Variants in PSMC6 observed in about 807,000 individuals in gnomAD.
PSMC6 encodes 26S proteasome regulatory subunit 10B.
PSMC6 carries 3 observed loss-of-function variants against 55.9 expected under a neutral mutation model. The observed-to-expected ratio is 0.05, with a 90% confidence interval of 0.02 to 0.14. The LOEUF (loss-of-function observed/expected upper bound fraction) is 0.14. PSMC6 is among the 10% of genes least tolerant of loss of function. The probability of loss-of-function intolerance (pLI) is 1.00; values close to 1 mark genes in which losing one functional copy is unlikely to be tolerated. For missense variants in PSMC6, 210 were observed against 478.7 expected, an observed-to-expected ratio of 0.44 and a Z score of 5.24; for synonymous variants, 137 against 155.9, an observed-to-expected ratio of 0.88 and a Z score of 0.90.
chr14:52,721,009 C>T (rs1460735262), intron 11 of PSMC6, 28 bp downstream of exon 11: 2 of 1,605,678 alleles, frequency 1.2e-6, no homozygotes, highest in Non-Finnish European at 1.7e-6. Flanking sequence ...ACCTACTGTC[C>T]ATTTCCCTTT....
chr14:52,708,417 G>T lies in PSMC6; in HGVS notation c.165+29G>T, dbSNP rs770428018. Reference sequence around the variant, plus strand: ...GGTGATGGAGTTTGGGGAATAGGGGGTGATGGTAATTTGCTTTTTTATTTA... The same window carrying T: ...GGTGATGGAGTTTGGGGAATAGGGGTTGATGGTAATTTGCTTTTTTATTTA... On this transcript the variant is annotated intron_variant, in intron 2 of 13. Transcript: ENST00000445930. 8.1e-6 allele frequency: 13 copies of T among 1,611,696 alleles called. No homozygotes were observed. The African/African-American group carries it at 1.5e-4, about 18-fold the overall frequency.
intron 1 of PSMC6, 39 bp from the exon 2 acceptor site, chr14:52,708,270 T>C: frequency 6.5e-7 from 1 of 1,535,598 alleles, no homozygotes; most frequent in Non-Finnish European, 9.0e-7. Context: ...ACACTAAGAT[T>C]ACTGTTCAAT....
chr14:52,720,367 CAAAAAA>C (rs71444775), intron 10 of PSMC6, among the ~76,000 whole-genome samples: 60 of 41,464 alleles, frequency 1.4e-3, no homozygotes, highest in East Asian at 9.8e-3. Context: ...AACTCTGTCT[CAAAAAA>C]AAAAAAAAAA....
rs1253235674 is a variant in PSMC6 at position 52,711,093 on chromosome 14, A to G, written c.259-8A>G. On this transcript the variant is annotated splice_region_variant and splice_polypyrimidine_tract_variant and intron_variant, in intron 4 of 13. Coordinates refer to ENST00000445930, the MANE Select transcript of PSMC6 (RefSeq NM_002806.5). ...GTTGATGTAATATCTTTTGTTTTAC[A>G]AAACTAGCTTGACAAAAGTAAGCTG... 1 of 1,612,638 alleles carries G rather than the reference A, an allele frequency of 6.2e-7. No homozygotes were observed. Among genetic ancestry groups the G allele is most frequent in the South Asian group, 1.1e-5 (1 of 91,034 alleles).
rs2041801067 is a variant in PSMC6 at position 52,713,861 on chromosome 14, A to G, written c.442-20A>G. ...AAAATCTTGACTAACTTTTTAAGAA[A>G]GATTTAACTTCTTTTCTAGGTGATA... On this transcript the variant is annotated intron_variant, in intron 6 of 13. Transcript: ENST00000445930. The G allele has an allele frequency of 5.4e-6, 8 of 1,488,890 alleles. No homozygotes were observed. The highest frequency in any genetic ancestry group is 7.4e-6 in the Non-Finnish European group (8 of 1,083,162). 92.2% of individuals were successfully genotyped at this position (1,488,890 alleles called of 1,614,324 possible).
chr14:52,713,496 G>A (rs1205954299), intron 6 of PSMC6, among the ~76,000 whole-genome samples: 1 of 151,952 alleles, frequency 6.6e-6, no homozygotes, highest in Non-Finnish European at 1.5e-5. Flanking sequence ...TTTGAGTTGT[G>A]TTTTTTGTTT....
rs967216694 is a variant in PSMC6 at position 52,718,244 on chromosome 14, A to G, written c.607A>G (p.Ile203Val). Residue 203 changes from isoleucine to valine, a missense_variant, in exon 9 of 14, where the codon ATT (isoleucine) becomes GTT (valine). Coordinates refer to ENST00000445930, the MANE Select transcript of PSMC6 (RefSeq NM_002806.5). ...CNFLKVVSSS[I>V]VDKYIGESAR... ...CTTTAATCAGGTTGTATCTAGTTCTATTGTAGACAAGTACATTGGTGAAAG... is the reference window on the plus strand; with the variant it reads ...CTTTAATCAGGTTGTATCTAGTTCTGTTGTAGACAAGTACATTGGTGAAAG... 5.0e-6 allele frequency: 8 copies of G among 1,611,602 alleles called. No homozygotes were observed. Among genetic ancestry groups the G allele is most frequent in the Non-Finnish European group, 6.8e-6 (8 of 1,177,776 alleles).
chr14:52,727,651 A>T lies in PSMC6; in HGVS notation c.*34A>T, dbSNP rs999748688. On this transcript the variant is annotated 3_prime_UTR_variant, in exon 14 of 14. Transcript: ENST00000445930. Reference sequence around the variant, plus strand: ...AAGATTTTTGATGGCTGCATGACAGATGTTGGCTTATTGTAAAAATAAAGT... The same window carrying T: ...AAGATTTTTGATGGCTGCATGACAGTTGTTGGCTTATTGTAAAAATAAAGT... 7.2e-6 allele frequency: 10 copies of T among 1,394,922 alleles called. No individual in the cohort carries two copies. Among genetic ancestry groups the T allele is most frequent in the Non-Finnish European group, 1.0e-5 (10 of 990,834 alleles). 86.4% of individuals were successfully genotyped at this position (1,394,922 alleles called of 1,614,324 possible).
At chr14:52,715,202 C>A (rs1048866500) in intron 7 of PSMC6, among the ~76,000 whole-genome samples, 5 of 151,296 alleles carry the variant, frequency 3.3e-5, no homozygotes, top group Admixed American at 2.0e-4. Flanking sequence ...TTTGTTAAAT[C>A]TTCATCTTTG....
chr14:52,720,222 C>CAAAAAAAAA (rs34123680), intron 10 of PSMC6, among the ~76,000 whole-genome samples: 2 of 62,372 alleles, frequency 3.2e-5, no homozygotes, highest in East Asian at 4.4e-4. Context: ...AGTCTGTCTC[C>CAAAAAAAAA]AAAAAAAAAA....
At chr14:52,723,732 T>G in intron 12 of PSMC6, 1 of 931,912 alleles carries the variant, frequency 1.1e-6, no homozygotes. Context: ...TATTTTGAGA[T>G]TTTGGTGATA....
At chr14:52,720,367 C>CAAAAAAAAAAAAAAAAAAA (rs71444775) in intron 10 of PSMC6, among the ~76,000 whole-genome samples, 1 of 41,482 alleles carries the variant, frequency 2.4e-5, no homozygotes, top group African/African-American at 8.9e-5. Context: ...AACTCTGTCT[C>CAAAAAAAAAAAAAAAAAAA]AAAAAAAAAA....
chr14:52,727,018 A>ATTT lies in PSMC6; in HGVS notation c.1052-462_1052-460dup, dbSNP rs66797420. 2.0e-3 allele frequency among the ~76,000 whole-genome samples: 202 copies of ATTT among 102,104 alleles called. 1 individual carries two copies. The highest frequency in any genetic ancestry group is 2.2e-3 in the Non-Finnish European group (126 of 56,002). 67.0% of individuals were successfully genotyped at this position (102,104 alleles called of 152,430 possible). ...GAACATAATCACAACACCGCTATGG[A>ATTT]TTTTTTTTTTTTTTTTTTTTTGAGA... On this transcript the variant is annotated intron_variant, in intron 13 of 13. Transcript: ENST00000445930.
Position 52,707,230 on chromosome 14 carries a change from C to T in PSMC6, c.11C>T (p.Pro4Leu), listed in dbSNP as rs1489346771. The T allele has an allele frequency of 6.2e-6, 10 of 1,613,990 alleles. No individual in the cohort carries two copies. In the African/African-American group the frequency reaches 8.0e-5, roughly 13 times the overall value. The part of the protein sequence containing the change: MAD[P>L]RDKALQDYRK... Reference sequence around the variant, plus strand: ...AGACGGCTTCTCATCATGGCGGACCCTAGAGATAAGGCGCTTCAGGACTAC... The same window carrying T: ...AGACGGCTTCTCATCATGGCGGACCTTAGAGATAAGGCGCTTCAGGACTAC... The change falls in exon 1 of 14, where the codon CCT (proline) becomes CTT (leucine). Residue 4 changes from proline to leucine, a missense_variant. Physicochemically the swap from Pro to Leu is moderately conservative, Grantham distance 98 (BLOSUM62 -3). Around this residue, in one of 4 missense-constraint regions of PSMC6, gnomAD observed 26 missense variants for 16.9 expected, o/e 1.54. Transcript: ENST00000445930.
chr14:52,718,394 T>TA (rs772794989), intron 9 of PSMC6, 42 bp downstream of exon 9: 1 of 1,571,662 alleles, frequency 6.4e-7, no homozygotes, highest in Admixed American at 1.9e-5. Flanking sequence ...GACTTTTTTT[T>TA]AAATGTAAAA....
At chr14:52,718,749 G>A (rs189329009) in intron 9 of PSMC6, 113 of 505,028 alleles carry the variant, frequency 2.2e-4, no homozygotes, top group African/African-American at 2.0e-3. Context: ...TCACACCACT[G>A]CACTCCAGCC....
rs553227675 is a variant in PSMC6, at chr14:52,720,115, C to A, written c.778-746C>A. 2.0e-5 allele frequency among the ~76,000 whole-genome samples: 3 copies of A among 150,554 alleles called. No individual in the cohort carries two copies. The East Asian group carries it at 5.9e-4, about 30-fold the overall frequency. On this transcript the variant is annotated intron_variant, in intron 10 of 13. Transcript: ENST00000445930. Reference sequence around the variant, plus strand: ...GCGTGTGCCTGTAATCCCAGTTACTCAGGAGGCTGAGGCAGGAGAATTGCT... The same window carrying A: ...GCGTGTGCCTGTAATCCCAGTTACTAAGGAGGCTGAGGCAGGAGAATTGCT...
intron 7 of PSMC6, among the ~76,000 whole-genome samples, chr14:52,716,883 GAC>G (rs2041835553): frequency 6.6e-6 from 1 of 152,178 alleles, no homozygotes; most frequent in African/African-American, 2.4e-5. Context: ...AAATAAGCCA[GAC>G]ACAGAAAGAC....
At chr14:52,713,785 T>G (rs1025311775) in intron 6 of PSMC6, 96 bp from the exon 7 acceptor site, 24 of 740,298 alleles carry the variant, frequency 3.2e-5, no homozygotes, top group Non-Finnish European at 4.9e-5. Context: ...AATTATGATG[T>G]GTACACCTAA....
Sources: gnomAD v4.1 joint callset for allele counts (sites outside exome capture counted in the v4.1 genomes callset) on GRCh38, gnomAD v4.1.1 for gene constraint, gnomAD v4.1.1 regional missense constraint, MANE v1.5 for transcripts, NCBI Gene and HGNC (gene_info 2026-07-23, HGNC 2026-07-21) for gene names.